The following COTL1 variants were observed in gnomAD, a reference collection of about 807,000 sequenced individuals.
COTL1 encodes coactosin like F-actin binding protein 1.
A neutral mutation model predicts 16.5 loss-of-function variants in COTL1; 15 were observed. The observed-to-expected ratio is 0.91, with a 90% CI of 0.61 to 1.40. The LOEUF (loss-of-function observed/expected upper bound fraction) is 1.40, where lower values mean the gene tolerates loss of function less well. COTL1 is among the 40% of genes most tolerant of loss of function. The pLI is 0.00. For missense variants in COTL1, 220 were observed against 201.5 expected, an observed-to-expected ratio of 1.09 and a Z score of -0.56; for synonymous variants, 112 against 85.3, an observed-to-expected ratio of 1.31 and a Z score of -1.73.
rs183961560 is a variant in COTL1, at chr16:84,583,726, T to C, written c.318+6379A>G. ...CCTCCTGCCTTGGTCTCCCAAAATGTTGGGATTACAGGTGTGCGCCACTAA... is the reference window on the plus strand; with the variant it reads ...CCTCCTGCCTTGGTCTCCCAAAATGCTGGGATTACAGGTGTGCGCCACTAA... On this transcript the variant is annotated intron_variant, in intron 3 of 3. Transcript: ENST00000262428. Among the ~76,000 whole-genome samples, 35 of 152,278 alleles carry C rather than the reference T, an allele frequency of 2.3e-4. No homozygotes were observed. In the East Asian group the frequency reaches 2.7e-3, roughly 12 times the overall value.
chr16:84,598,553 C>T (rs1905050479), intron 2 of COTL1, among the ~76,000 whole-genome samples: 1 of 152,072 alleles, frequency 6.6e-6, no homozygotes, highest in Non-Finnish European at 1.5e-5. Context: ...CTGGCCTTTC[C>T]CTCTCCTGGC....
At chr16:84,594,913 T>C (rs1331213392) in intron 2 of COTL1, 1 of 152,680 alleles carries the variant, frequency 6.5e-6, no homozygotes, top group Non-Finnish European at 1.5e-5. Context: ...GCGTCTGCCC[T>C]CTCTGCTGGC....
chr16:84,586,939 A>T (rs1360991418), intron 3 of COTL1, among the ~76,000 whole-genome samples: 1 of 152,102 alleles, frequency 6.6e-6, no homozygotes, highest in East Asian at 1.9e-4. Flanking sequence ...GAATTGCAAG[A>T]TCTGCAATGT....
At chr16:84,612,738 G>T (rs949802425) in intron 2 of COTL1, among the ~76,000 whole-genome samples, 1 of 152,146 alleles carries the variant, frequency 6.6e-6, no homozygotes. Context: ...CAGCCTGGGC[G>T]ACAGAGAAAA....
At chr16:84,581,598 G>C (rs923192690) in intron 3 of COTL1, among the ~76,000 whole-genome samples, 14 of 152,130 alleles carry the variant, frequency 9.2e-5, no homozygotes, top group Non-Finnish European at 1.9e-4. Flanking sequence ...CTTCCTCCTG[G>C]GTTCAAGCGA....
intron 2 of COTL1, among the ~76,000 whole-genome samples, chr16:84,602,220 C>A (rs1905116900): frequency 1.3e-5 from 2 of 151,054 alleles, no homozygotes; most frequent in Non-Finnish European, 2.9e-5. Flanking sequence ...GGGGGGGTGC[C>A]ATTTTATAAG....
intron 3 of COTL1, among the ~76,000 whole-genome samples, chr16:84,584,318 C>T (rs1904669842): frequency 6.6e-6 from 1 of 152,240 alleles, no homozygotes. Flanking sequence ...TTTCCCCCAG[C>T]CACAGACGCC....
At chr16:84,580,868 G>C (rs539757219) in intron 3 of COTL1, among the ~76,000 whole-genome samples, 1 of 152,218 alleles carries the variant, frequency 6.6e-6, no homozygotes, top group Non-Finnish European at 1.5e-5. Context: ...ATGAGGCCAG[G>C]CATGGTGGCT....
rs57566750 is a variant in COTL1 at position 84,585,409 on chromosome 16, G to A, written c.318+4696C>T. On this transcript the variant is annotated intron_variant, in intron 3 of 3. Coordinates refer to ENST00000262428, the MANE Select transcript of COTL1 (RefSeq NM_021149.5). ...TTCAAGTTCCTCCACATCAATGACC[G>A]TGCAATTAATTTACACCCTCCACGT... Among the ~76,000 whole-genome samples the A allele has an allele frequency of 8.5e-3, 1,276 of 150,932 alleles. 18 individuals are homozygous for A. Among genetic ancestry groups the A allele is most frequent in the African/African-American group, 0.029 (1,202 of 41,064 alleles).
At chr16:84,588,704 T>C (rs957063198) in intron 3 of COTL1, among the ~76,000 whole-genome samples, 2 of 151,864 alleles carry the variant, frequency 1.3e-5, no homozygotes, top group Admixed American at 6.6e-5. Context: ...ACAGATGGAG[T>C]ATTATTAATA....
chr16:84,610,201 C>T (rs768526927), intron 2 of COTL1, among the ~76,000 whole-genome samples: 1 of 152,234 alleles, frequency 6.6e-6, no homozygotes, highest in Non-Finnish European at 1.5e-5. Flanking sequence ...CTCCTCTCCT[C>T]TGAGACTGTG....
chr16:84,598,664 C>CG (rs1393169375), intron 2 of COTL1, among the ~76,000 whole-genome samples: 14 of 151,198 alleles, frequency 9.3e-5, no homozygotes, highest in Admixed American at 4.6e-4. Flanking sequence ...CCAACCCCCC[C>CG]CACCAACCCC....
intron 2 of COTL1, among the ~76,000 whole-genome samples, chr16:84,599,224 CAA>C (rs1005144546): frequency 6.6e-6 from 1 of 152,128 alleles, no homozygotes; most frequent in African/African-American, 2.4e-5. Flanking sequence ...GCCTTTTCCC[CAA>C]AGAGATTCTA....
chr16:84,585,590 A>G (rs1904701130), intron 3 of COTL1, among the ~76,000 whole-genome samples: 1 of 152,180 alleles, frequency 6.6e-6, no homozygotes, highest in Admixed American at 6.5e-5. Flanking sequence ...CCTGGTCCCC[A>G]AGACATGGCA....
chr16:84,609,792 C>T (rs573845329), intron 2 of COTL1, among the ~76,000 whole-genome samples: 6 of 152,282 alleles, frequency 3.9e-5, no homozygotes, highest in South Asian at 4.1e-4. Context: ...GGCTCTCAGT[C>T]TGTCTCCTGC....
intron 2 of COTL1, among the ~76,000 whole-genome samples, chr16:84,598,291 A>G (rs1186274435): frequency 6.6e-6 from 1 of 152,228 alleles, no homozygotes; most frequent in Non-Finnish European, 1.5e-5. Flanking sequence ...AAGCCTCATC[A>G]GAAGCCAATG....
chr16:84,573,751 A>AT (rs1365874587), intron 3 of COTL1, among the ~76,000 whole-genome samples: 427 of 85,024 alleles, frequency 5.0e-3, no homozygotes, highest in Middle Eastern at 0.033. Context: ...AAAAAAAAAA[A>AT]AATATATATA....
At chr16:84,597,730 G>A (rs1034731548) in intron 2 of COTL1, among the ~76,000 whole-genome samples, 3 of 152,140 alleles carry the variant, frequency 2.0e-5, no homozygotes, top group African/African-American at 7.2e-5. Context: ...CAGCCCCCAC[G>A]CCCTCCTTGC....
At chr16:84,574,775 G>C (rs1018026912) in intron 3 of COTL1, among the ~76,000 whole-genome samples, 1 of 151,954 alleles carries the variant, frequency 6.6e-6, no homozygotes, top group Non-Finnish European at 1.5e-5. Context: ...GTAGAGACGG[G>C]GTTTCACCAT....
Sources: allele counts gnomAD v4.1 joint callset (sites outside exome capture counted in the v4.1 genomes callset), GRCh38; gene constraint gnomAD v4.1.1; transcripts MANE v1.5; gene names NCBI Gene and HGNC (gene_info 2026-07-23, HGNC 2026-07-21).